The following TEX26 variants were observed in gnomAD, a reference collection of about 807,000 sequenced individuals.
TEX26 encodes the protein testis expressed 26.
In TEX26, 34 loss-of-function variants were observed where a neutral mutation model predicts 35.3. The ratio of observed to expected loss-of-function variants is 0.96; its 90% CI spans 0.73 to 1.28. TEX26 has a LOEUF of 1.28. TEX26 is among the 50% of genes most tolerant of loss of function. The pLI is 0.00. For missense variants in TEX26, 371 were observed against 330.1 expected, an observed-to-expected ratio of 1.12 and a Z score of -0.96; for synonymous variants, 136 against 111.8, an observed-to-expected ratio of 1.22 and a Z score of -1.36.
Position 30,939,700 on chromosome 13 carries a change from A to G in TEX26, c.68A>G (p.Asp23Gly), listed in dbSNP as rs778576661. The G allele has an allele frequency of 3.9e-5, 63 of 1,613,756 alleles. No homozygotes were observed. The highest frequency in any genetic ancestry group is 4.7e-5 in the Non-Finnish European group (56 of 1,179,788). Reference protein sequence around the residue: ...LCHHNLQPTDDPNWDSYATTM... With the variant: ...LCHHNLQPTDGPNWDSYATTM... Reference sequence around the variant, plus strand: ...TGCTTTATTGTACTTTTAGCAGATGACCCCAACTGGGATTCCTATGCTACC... The same window carrying G: ...TGCTTTATTGTACTTTTAGCAGATGGCCCCAACTGGGATTCCTATGCTACC... Residue 23 changes from aspartate to glycine, a missense_variant, in exon 2 of 7, where the codon GAC becomes GGC. Coordinates refer to ENST00000380473, the MANE Select transcript of TEX26 (RefSeq NM_152325.3).
intron 1 of TEX26, 171 bp downstream of exon 1, chr13:30,932,947 C>A (rs1447010478): frequency 2.3e-5 from 15 of 647,286 alleles, no homozygotes; most frequent in Non-Finnish European, 3.8e-5. Flanking sequence ...GCCTTCATGA[C>A]GCTGCCCCTT....
intron 3 of TEX26, among the ~76,000 whole-genome samples, chr13:30,955,799 G>T (rs959634940): frequency 6.6e-6 from 1 of 152,206 alleles, no homozygotes; most frequent in African/African-American, 2.4e-5. Flanking sequence ...TGCAGGCGGG[G>T]CTGGGCCTTG....
At chr13:30,969,103 A>G in intron 6 of TEX26, 57 bp downstream of exon 6, 1 of 1,478,880 alleles carries the variant, frequency 6.8e-7, no homozygotes, top group Non-Finnish European at 9.1e-7. Flanking sequence ...CTTTTGCCAA[A>G]TAGAAACTGT....
In TEX26 at chr13:30,975,154, CT is replaced by C; in HGVS notation, c.*251del. 1 of 266,984 alleles carries C rather than the reference CT, an allele frequency of 3.7e-6. No homozygotes were observed. The highest frequency in any genetic ancestry group is 7.0e-6 in the Non-Finnish European group (1 of 143,418). The allele number at this position is 266,984 out of a possible 1,614,324, so 16.5% of individuals were successfully genotyped here. ...TTGATACAATGTTTTTTTCTTTTCC[CT>C]TTTGGATACTTAATTTGTAGTTTCA... On this transcript the variant is annotated 3_prime_UTR_variant, in exon 7 of 7. Transcript: ENST00000380473.
intron 3 of TEX26, 45 bp downstream of exon 3, chr13:30,952,870 A>G (rs367679816): frequency 2.5e-4 from 368 of 1,501,676 alleles, no homozygotes; most frequent in Non-Finnish European, 3.1e-4. Context: ...ACTGTACTGT[A>G]TCAACAACTC....
chr13:30,952,581 T>TA, intron 2 of TEX26, 79 bp from the exon 3 acceptor site: 1 of 1,200,056 alleles, frequency 8.3e-7, no homozygotes, highest in Non-Finnish European at 1.2e-6. Flanking sequence ...ATGTAATGAG[T>TA]AAAATGATTT....
intron 4 of TEX26, among the ~76,000 whole-genome samples, chr13:30,965,401 G>C (rs1041829711): frequency 2.6e-5 from 4 of 152,196 alleles, no homozygotes; most frequent in African/African-American, 9.7e-5. Flanking sequence ...GAAGAGAGTT[G>C]AGTTCAGTGT....
At chr13:30,945,526 G>A (rs551151579) in intron 2 of TEX26, among the ~76,000 whole-genome samples, 7 of 151,296 alleles carry the variant, frequency 4.6e-5, no homozygotes, top group African/African-American at 1.7e-4. Flanking sequence ...TTTTTTCATT[G>A]TGTTATTGTT....
chr13:30,937,032 A>T (rs61947596), intron 1 of TEX26: 15,422 of 973,770 alleles, frequency 0.016, 138 homozygotes, highest in African/African-American at 0.037. Context: ...AATCATTAAC[A>T]TGAAATTAAA....
At chr13:30,936,472 T>C (rs1387929223) in intron 1 of TEX26, among the ~76,000 whole-genome samples, 1 of 152,212 alleles carries the variant, frequency 6.6e-6, no homozygotes, top group Non-Finnish European at 1.5e-5. Context: ...AAACATCTAC[T>C]AAATTAAATC....
chr13:30,962,840 T>G lies in TEX26; in HGVS notation c.470-3382T>G, dbSNP rs574208182. On this transcript the variant is annotated intron_variant, in intron 4 of 6. Coordinates refer to ENST00000380473, the MANE Select transcript of TEX26 (RefSeq NM_152325.3). ...TTGTTTTTGTTTTTGTTTTTTTTTTTGAGACGGAGTCTCACTCTGTCACCC... is the reference window on the plus strand; with the variant it reads ...TTGTTTTTGTTTTTGTTTTTTTTTTGGAGACGGAGTCTCACTCTGTCACCC... 3.6e-4 allele frequency among the ~76,000 whole-genome samples: 51 copies of G among 143,158 alleles called. 1 individual carries two copies. The South Asian group carries it at 0.011, about 30-fold the overall frequency. 93.9% of individuals were successfully genotyped at this position (143,158 alleles called of 152,430 possible).
intron 4 of TEX26, among the ~76,000 whole-genome samples, chr13:30,960,800 T>G (rs755606287): frequency 5.9e-5 from 9 of 152,248 alleles, no homozygotes; most frequent in Non-Finnish European, 1.2e-4. Flanking sequence ...AATTTGATTG[T>G]CCATATTTGC....
chr13:30,961,290 G>A (rs1348845592), intron 4 of TEX26, among the ~76,000 whole-genome samples: 1 of 152,176 alleles, frequency 6.6e-6, no homozygotes, highest in African/African-American at 2.4e-5. Context: ...ATAGTCATAT[G>A]ACTATGCAGG....
At chr13:30,953,961 A>G (rs1402040332) in intron 3 of TEX26, among the ~76,000 whole-genome samples, 1 of 152,186 alleles carries the variant, frequency 6.6e-6, no homozygotes, top group African/African-American at 2.4e-5. Context: ...GGAAAGTATA[A>G]TGTTCAACTT....
chr13:30,932,953 C>T, intron 1 of TEX26, 177 bp downstream of exon 1: 1 of 616,872 alleles, frequency 1.6e-6, no homozygotes, highest in South Asian at 3.0e-5. Flanking sequence ...ATGACGCTGC[C>T]CCTTTTCAGT....
At chr13:30,945,694 A>G (rs1272383266) in intron 2 of TEX26, among the ~76,000 whole-genome samples, 1 of 151,886 alleles carries the variant, frequency 6.6e-6, no homozygotes, top group Non-Finnish European at 1.5e-5. Flanking sequence ...CTTTGTTTAT[A>G]AATCTTAGTT....
Position 30,959,841 on chromosome 13 carries a change from CTG to C in TEX26, c.469+2814_469+2815del, listed in dbSNP as rs1401391343. 7.2e-5 allele frequency among the ~76,000 whole-genome samples: 11 copies of C among 152,246 alleles called. No individual in the cohort carries two copies. The South Asian group carries it at 2.3e-3, about 32-fold the overall frequency. On this transcript the variant is annotated intron_variant, in intron 4 of 6. Transcript: ENST00000380473. The stretch of plus-strand genomic sequence containing the variant: ...GCCTGACATAACGAATGACAAAAGA[CTG>C]TCACTAATGCATGTAAGTGTGGAAT...
intron 1 of TEX26, among the ~76,000 whole-genome samples, chr13:30,939,022 A>C (rs1188667308): frequency 6.6e-6 from 1 of 152,242 alleles, no homozygotes; most frequent in African/African-American, 2.4e-5. Context: ...GATGACTTGG[A>C]GGAGTTTTCT....
chr13:30,935,096 G>A (rs941728058), intron 1 of TEX26, among the ~76,000 whole-genome samples: 1 of 152,208 alleles, frequency 6.6e-6, no homozygotes, highest in Admixed American at 6.5e-5. Flanking sequence ...ATCCCTGCAG[G>A]CTCAGGGGTA....
Sources: allele counts gnomAD v4.1 joint callset (sites outside exome capture counted in the v4.1 genomes callset), GRCh38; gene constraint gnomAD v4.1.1; transcripts MANE v1.5; gene names NCBI Gene and HGNC (gene_info 2026-07-23, HGNC 2026-07-21).